CAST: variants seen among roughly 807,000 people sequenced by gnomAD.
CAST encodes MIR583 host.
CAST carries 76 observed loss-of-function variants against 119.6 expected under a neutral mutation model. That is an observed-to-expected ratio of 0.64 (90% confidence interval 0.53 to 0.77). The LOEUF is 0.77. CAST is among the 30% of genes least tolerant of loss of function. The pLI is 0.00. For missense variants in CAST, 953 were observed against 946.5 expected, an observed-to-expected ratio of 1.01 and a Z score of -0.09; for synonymous variants, 319 against 331.6, an observed-to-expected ratio of 0.96 and a Z score of 0.41.
At chr5:96,756,131 C>T (rs148817380) in intron 22 of CAST, among the ~76,000 whole-genome samples, 213 of 152,276 alleles carry the variant, frequency 1.4e-3, no homozygotes, top group Admixed American at 3.4e-3. Flanking sequence ...TCATTTAAAT[C>T]CTATGTTGGT....
chr5:96,201,152 TA>T, the CAST span, among the ~76,000 whole-genome samples: 1 of 152,106 alleles, frequency 6.6e-6, no homozygotes, highest in Non-Finnish European at 1.5e-5. Context: ...CCTACTATAA[TA>T]AAAAATAAAA....
the CAST span, among the ~76,000 whole-genome samples, chr5:96,195,457 C>T: frequency 6.6e-6 from 1 of 152,152 alleles, no homozygotes; most frequent in Non-Finnish European, 1.5e-5. Context: ...TTGTCTGTAG[C>T]CTTGGAAAAC....
At chr5:96,444,808 T>C in the CAST span, among the ~76,000 whole-genome samples, 3 of 152,182 alleles carry the variant, frequency 2.0e-5, no homozygotes, top group African/African-American at 7.2e-5. Flanking sequence ...CTATGGTGTT[T>C]TTTCCCCTAT....
At chr5:96,682,555 A>T in intron 2 of CAST, among the ~76,000 whole-genome samples, 1 of 148,934 alleles carries the variant, frequency 6.7e-6, no homozygotes, top group East Asian at 1.9e-4. Context: ...TGTCTTTTTC[A>T]GTCTTCGGGG....
chr5:96,229,228 T>C, the CAST span, among the ~76,000 whole-genome samples: 1 of 151,092 alleles, frequency 6.6e-6, no homozygotes, highest in Non-Finnish European at 1.5e-5. Context: ...AATCGTATTT[T>C]AGGAGCACTT....
At chr5:96,472,317 C>T in the CAST span, among the ~76,000 whole-genome samples, 1 of 152,148 alleles carries the variant, frequency 6.6e-6, no homozygotes, top group African/African-American at 2.4e-5. Flanking sequence ...ATTCCTCCCT[C>T]CCATGTTTAT....
intron 1 of CAST, among the ~76,000 whole-genome samples, chr5:96,626,152 G>T (rs141043552): frequency 6.6e-6 from 1 of 152,298 alleles, no homozygotes; most frequent in East Asian, 1.9e-4. Context: ...CTGAGGAAGA[G>T]AACCTACATG....
At chr5:96,392,804 A>G in the CAST span, 3 of 641,722 alleles carry the variant, frequency 4.7e-6, no homozygotes, top group Non-Finnish European at 8.3e-6. Flanking sequence ...TGAAATACCT[A>G]TGATCAATTC....
chr5:95,968,713 G>A, the CAST span, among the ~76,000 whole-genome samples: 1 of 152,088 alleles, frequency 6.6e-6, no homozygotes, highest in South Asian at 2.1e-4. Context: ...TTCTCATTCA[G>A]CTGTTTATTC....
chr5:96,520,421 C>T (rs115184880), upstream of CAST, among the ~76,000 whole-genome samples: 1 of 152,198 alleles, frequency 6.6e-6, no homozygotes, highest in African/African-American at 2.4e-5. Flanking sequence ...CACTCAGATG[C>T]CCCACAGGGG....
chr5:96,147,849 T>A, the CAST span, among the ~76,000 whole-genome samples: 1 of 152,234 alleles, frequency 6.6e-6, no homozygotes, highest in Non-Finnish European at 1.5e-5. Context: ...ATCAGCACTT[T>A]AAAACCATCT....
chr5:96,667,237 C>T (rs1175655251), intron 1 of CAST, among the ~76,000 whole-genome samples: 1 of 152,188 alleles, frequency 6.6e-6, no homozygotes, highest in African/African-American at 2.4e-5. Flanking sequence ...GTAGGAAACT[C>T]ATAGAACATA....
At chr5:96,547,003 A>G (rs2150181201) in intron 1 of CAST, among the ~76,000 whole-genome samples, 1 of 152,314 alleles carries the variant, frequency 6.6e-6, no homozygotes, top group African/African-American at 2.4e-5. Context: ...CACCAGGTAA[A>G]AGCAAACTGC....
At chr5:96,689,740 T>A (rs1309153440) in intron 2 of CAST, among the ~76,000 whole-genome samples, 1 of 152,220 alleles carries the variant, frequency 6.6e-6, no homozygotes, top group Non-Finnish European at 1.5e-5. Context: ...TTTTAACTAG[T>A]ATCCGATACT....
In CAST at chr5:96,690,018, C is replaced by T. The variant is rs144943705; in HGVS notation, c.139-5818C>T. ...CAGAGGCAGAGCCCTAGAATAGTAG[C>T]ATTGTCCTGACTCCTGGTCAGTGCA... On this transcript the variant is annotated intron_variant, in intron 2 of 31. Transcript: ENST00000675179. Among the ~76,000 whole-genome samples the T allele has an allele frequency of 3.9e-3, 590 of 152,216 alleles. 7 individuals are homozygous for T. Among genetic ancestry groups the T allele is most frequent in the African/African-American group, 0.013 (560 of 41,530 alleles).
intron 3 of CAST, among the ~76,000 whole-genome samples, chr5:96,696,584 C>T (rs987880502): frequency 2.7e-5 from 4 of 150,846 alleles, no homozygotes; most frequent in Admixed American, 6.7e-5. Flanking sequence ...TGCCTGTAAT[C>T]GCAGCACTTT....
At chr5:96,668,173 C>G (rs1024725515) in intron 1 of CAST, among the ~76,000 whole-genome samples, 10 of 151,808 alleles carry the variant, frequency 6.6e-5, no homozygotes, top group African/African-American at 2.4e-4. Context: ...CACACACACA[C>G]CCTTTCAACA....
At chr5:96,040,899 C>G in the CAST span, among the ~76,000 whole-genome samples, 5 of 152,078 alleles carry the variant, frequency 3.3e-5, no homozygotes, top group African/African-American at 9.7e-5. Context: ...ATGAGTTAGG[C>G]AGGATTCCCT....
At chr5:96,224,920 C>T in the CAST span, among the ~76,000 whole-genome samples, 4 of 152,158 alleles carry the variant, frequency 2.6e-5, no homozygotes, top group Admixed American at 6.5e-5. Context: ...AGCTCATGTG[C>T]CCACCCCTAA....
Sources: allele counts gnomAD v4.1 joint callset (sites outside exome capture counted in the v4.1 genomes callset), GRCh38; gene constraint gnomAD v4.1.1; transcripts MANE v1.5; gene names NCBI Gene and HGNC (gene_info 2026-07-23, HGNC 2026-07-21).